PTPRD: variants seen among roughly 807,000 people sequenced by gnomAD.
The protein encoded by PTPRD is receptor-type tyrosine-protein phosphatase delta.
Under a neutral mutation model 214.5 loss-of-function variants are expected in PTPRD, and 34 were observed. The ratio of observed to expected loss-of-function variants is 0.16; its 90% confidence interval spans 0.12 to 0.21. PTPRD has a LOEUF of 0.21. Ranked by LOEUF, PTPRD falls within the 10% of genes least tolerant of loss-of-function variation. The probability of loss-of-function intolerance (pLI) is 1.00; values close to 1 mark genes in which losing one functional copy is unlikely to be tolerated. For missense variants in PTPRD, 2,545 were observed against 2,398.7 expected (o/e 1.06, Z -1.27); for synonymous variants, 1,128 against 845.7 (o/e 1.33, Z -5.79).
chr9:9,589,337 T>C (rs2092462236), intron 7 of PTPRD, among the ~76,000 whole-genome samples: 2 of 151,988 alleles, frequency 1.3e-5, no homozygotes, highest in Non-Finnish European at 2.9e-5. Flanking sequence ...TTTTTTCATT[T>C]ATTTAATAAA....
In PTPRD at chr9:9,882,290, C is replaced by T. The variant is rs553674931; in HGVS notation, c.-368+56217G>A. Among the ~76,000 whole-genome samples, 4 of 152,156 alleles carry T rather than the reference C, an allele frequency of 2.6e-5. No individual in the cohort carries two copies. The East Asian group carries it at 7.8e-4, about 30-fold the overall frequency. ...AATTAGAATATTTTCTAGAGGTTCACTAAGCACTGAGTTGAAACTGAGCAA... is the reference window on the plus strand; with the variant it reads ...AATTAGAATATTTTCTAGAGGTTCATTAAGCACTGAGTTGAAACTGAGCAA... On this transcript the variant is annotated intron_variant, in intron 5 of 45. Coordinates refer to ENST00000381196, the MANE Select transcript of PTPRD (RefSeq NM_002839.4).
rs1378914249 is a variant in PTPRD at position 8,316,258 on chromosome 9, T to C, written c.*1616A>G. 2 of 230,232 alleles carry C rather than the reference T, an allele frequency of 8.7e-6. No individual in the cohort carries two copies. The highest frequency in any genetic ancestry group is 4.4e-5 in the African/African-American group (2 of 45,072). 14.3% of individuals were successfully genotyped at this position (230,232 alleles called of 1,614,324 possible). ...ATGTGGTAAACAGATAATGCTTTAA[T>C]AGAAAGTAACAGATACGAACAGTGA... On this transcript the variant is annotated 3_prime_UTR_variant, in exon 46 of 46. Transcript: ENST00000381196.
chr9:8,999,324 C>T (rs559666412), intron 11 of PTPRD, among the ~76,000 whole-genome samples: 1 of 152,194 alleles, frequency 6.6e-6, no homozygotes, highest in South Asian at 2.1e-4. Context: ...GCCACCCCAA[C>T]CTTCCACAAC....
intron 8 of PTPRD, among the ~76,000 whole-genome samples, chr9:9,400,746 G>T (rs1016079380): frequency 2.6e-5 from 4 of 152,032 alleles, no homozygotes; most frequent in African/African-American, 7.2e-5. Flanking sequence ...AGTGATGCTG[G>T]TAAGAGTGAG....
At chr9:8,509,083 G>C (rs1666778825) in intron 21 of PTPRD, among the ~76,000 whole-genome samples, 1 of 152,034 alleles carries the variant, frequency 6.6e-6, no homozygotes, top group African/African-American at 2.4e-5. Context: ...CTTCTGAACA[G>C]AGTATCACAT....
chr9:9,902,979 C>T (rs1276847337), intron 5 of PTPRD, among the ~76,000 whole-genome samples: 1 of 151,964 alleles, frequency 6.6e-6, no homozygotes, highest in Non-Finnish European at 1.5e-5. Flanking sequence ...CCAAAATATC[C>T]TATATTTTAA....
intron 43 of PTPRD, among the ~76,000 whole-genome samples, chr9:8,332,467 G>A (rs1023256515): frequency 5.9e-5 from 9 of 152,090 alleles, no homozygotes; most frequent in Non-Finnish European, 1.3e-4. Context: ...GCCCTTTTCT[G>A]AAAAAGAGCT....
chr9:10,412,706 C>G (rs1256655945), intron 2 of PTPRD, among the ~76,000 whole-genome samples: 1 of 151,092 alleles, frequency 6.6e-6, no homozygotes, highest in Non-Finnish European at 1.5e-5. Context: ...GATGCGAAAA[C>G]CCTCAAAAAA....
chr9:9,956,426 C>T (rs936576939), intron 4 of PTPRD, among the ~76,000 whole-genome samples: 24 of 152,108 alleles, frequency 1.6e-4, no homozygotes, highest in African/African-American at 5.6e-4. Context: ...TAAATAAGCA[C>T]TACTTGATTT....
chr9:9,951,472 G>A (rs958596667), intron 4 of PTPRD, among the ~76,000 whole-genome samples: 1 of 152,154 alleles, frequency 6.6e-6, no homozygotes, highest in Non-Finnish European at 1.5e-5. Context: ...TATGTCCTAG[G>A]GAGGGACACT....
chr9:9,300,502 C>G (rs1034283353), intron 9 of PTPRD, among the ~76,000 whole-genome samples: 1 of 151,700 alleles, frequency 6.6e-6, no homozygotes, highest in African/African-American at 2.4e-5. Flanking sequence ...TGTGTTCCCC[C>G]CAAATTCATG....
At chr9:9,907,115 C>G (rs112595718) in intron 5 of PTPRD, among the ~76,000 whole-genome samples, 5 of 151,952 alleles carry the variant, frequency 3.3e-5, no homozygotes, top group African/African-American at 7.2e-5. Flanking sequence ...CAGCTAGCAT[C>G]TTCCAAGCAA....
chr9:10,507,691 A>C (rs931188728), intron 2 of PTPRD, among the ~76,000 whole-genome samples: 9 of 152,202 alleles, frequency 5.9e-5, no homozygotes, highest in Non-Finnish European at 5.9e-5. Flanking sequence ...AAAAACAAGA[A>C]ATGGGGAAAG....
At chr9:8,796,200 T>C (rs2096415937) in intron 11 of PTPRD, among the ~76,000 whole-genome samples, 1 of 152,162 alleles carries the variant, frequency 6.6e-6, no homozygotes, top group Non-Finnish European at 1.5e-5. Context: ...GATGAAGGGA[T>C]AATTAGAGAT....
chr9:10,255,350 AT>A (rs1595468272), intron 3 of PTPRD, among the ~76,000 whole-genome samples: 4 of 152,234 alleles, frequency 2.6e-5, no homozygotes, highest in Admixed American at 2.6e-4. Flanking sequence ...ACAAACCTGT[AT>A]AGCATGTTAA....
At chr9:8,421,345 CTT>C (rs1220827707) in intron 35 of PTPRD, among the ~76,000 whole-genome samples, 1 of 131,496 alleles carries the variant, frequency 7.6e-6, no homozygotes, top group Non-Finnish European at 1.7e-5. Flanking sequence ...TTTTTCTTTT[CTT>C]TCTTCTTCTC....
intron 10 of PTPRD, among the ~76,000 whole-genome samples, chr9:9,048,328 G>C (rs1431701502): frequency 6.6e-6 from 1 of 152,146 alleles, no homozygotes; most frequent in African/African-American, 2.4e-5. Context: ...AAGGAAATCA[G>C]TGTATTGAAG....
intron 7 of PTPRD, among the ~76,000 whole-genome samples, chr9:9,593,140 G>GAAAAGAAAAGAAAAGAAAA (rs1563920992): frequency 3.5e-4 from 33 of 95,332 alleles, no homozygotes; most frequent in African/African-American, 1.2e-3. Flanking sequence ...GGAAAGGAAA[G>GAAAAGAAAAGAAAAGAAAA]GGAAAGAAAA....
intron 11 of PTPRD, among the ~76,000 whole-genome samples, chr9:8,780,224 T>C (rs914581961): frequency 1.3e-5 from 2 of 152,190 alleles, no homozygotes; most frequent in Admixed American, 6.5e-5. Context: ...AAATTCTAGA[T>C]AATTATTCCA....
Sources: gnomAD v4.1 joint callset for allele counts (sites outside exome capture counted in the v4.1 genomes callset) on GRCh38, gnomAD v4.1.1 for gene constraint, MANE v1.5 for transcripts, NCBI Gene and HGNC (gene_info 2026-07-23, HGNC 2026-07-21) for gene names.